INPP4A: variants seen among roughly 807,000 people sequenced by gnomAD.
INPP4A encodes the protein inositol polyphosphate-4-phosphatase type I A.
In INPP4A, 33 loss-of-function variants were observed where a neutral mutation model predicts 119.8. That is an observed-to-expected ratio of 0.28 (90% CI 0.21 to 0.37). The LOEUF (loss-of-function observed/expected upper bound fraction) is 0.37. Ranked by LOEUF, INPP4A falls within the 10% of genes least tolerant of loss-of-function variation. The pLI is 1.00. For synonymous variants in INPP4A, 496 were observed against 500.7 expected (o/e 0.99, Z 0.12); for missense variants, 956 against 1,289.9 (o/e 0.74, Z 3.97).
chr2:98,454,055 C>T (rs1161173359), intron 1 of INPP4A, among the ~76,000 whole-genome samples: 8 of 152,006 alleles, frequency 5.3e-5, no homozygotes, highest in South Asian at 4.1e-4. Context: ...TGCAGTGAGC[C>T]GAGATCACAT....
At chr2:98,540,409 T>C (rs751720866) in intron 10 of INPP4A, among the ~76,000 whole-genome samples, 8 of 152,246 alleles carry the variant, frequency 5.3e-5, no homozygotes, top group Non-Finnish European at 1.2e-4. Flanking sequence ...TCTTAACCCT[T>C]CTGCATCTCT....
At position 98,480,261 on chromosome 2, in the gene INPP4A, G is replaced by A. The variant is rs575239974; in HGVS notation, c.-166+35176G>A. ...TTGGGTGGGTGGGGAACTCAGCCCT[G>A]AGAGGTTGGCTCACTGAGCATTTAC... On this transcript the variant is annotated intron_variant, in intron 1 of 24. Transcript: ENST00000409851. Among the ~76,000 whole-genome samples the A allele has an allele frequency of 3.3e-5, 5 of 152,366 alleles. No homozygotes were observed. The East Asian group carries it at 9.6e-4, about 29-fold the overall frequency.
chr2:98,448,903 C>T (rs1158526283), intron 1 of INPP4A, among the ~76,000 whole-genome samples: 1 of 152,102 alleles, frequency 6.6e-6, no homozygotes, highest in Non-Finnish European at 1.5e-5. Context: ...GGATCTCACA[C>T]TGTGTTGCCC....
chr2:98,572,790 C>G, intron 22 of INPP4A, 25 bp from the exon 23 acceptor site: 1 of 1,517,366 alleles, frequency 6.6e-7, no homozygotes, highest in African/African-American at 1.4e-5. Context: ...GTCACCCACT[C>G]CCACGAACTC....
intron 1 of INPP4A, among the ~76,000 whole-genome samples, chr2:98,455,939 C>G (rs1429247004): frequency 6.6e-6 from 1 of 152,178 alleles, no homozygotes; most frequent in Non-Finnish European, 1.5e-5. Flanking sequence ...CTAGAGCGTC[C>G]CGTGCCTTTC....
rs1462348079 is a variant in INPP4A, at chr2:98,554,447, C to T, written c.1524C>T (p.Asn508=). ...TCATGGCCCGGTGGACAGGGAGAAA[C>T]AGCCGATCTTCCCTGCAGGTGGACT... ...DTLMARWTGR[N]SRSSLQVDWH... The change falls in exon 15 of 25, where the codon AAC becomes AAT. Residue 508 remains asparagine (N), a synonymous_variant. Transcript: ENST00000409851. The surrounding 1 kb of genome is among the most constrained non-coding windows in gnomAD (Gnocchi z 4.7). The T allele has an allele frequency of 6.2e-7, 1 of 1,613,770 alleles. No homozygotes were observed. Among genetic ancestry groups the T allele is most frequent in the Non-Finnish European group, 8.5e-7 (1 of 1,179,878 alleles).
intron 21 of INPP4A, among the ~76,000 whole-genome samples, chr2:98,567,919 C>T (rs899346562): frequency 2.0e-5 from 3 of 152,182 alleles, no homozygotes; most frequent in South Asian, 4.1e-4. Flanking sequence ...CGGAAGGCCC[C>T]TCAGCAGGGA....
At chr2:98,578,050 G>A (rs1374864992) in intron 24 of INPP4A, among the ~76,000 whole-genome samples, 1 of 152,166 alleles carries the variant, frequency 6.6e-6, no homozygotes, top group Non-Finnish European at 1.5e-5. Flanking sequence ...CCTGCCTCTT[G>A]ATAAGTGCAT....
chr2:98,550,153 C>T (rs545281878), intron 13 of INPP4A, among the ~76,000 whole-genome samples: 1 of 152,210 alleles, frequency 6.6e-6, no homozygotes, highest in East Asian at 1.9e-4. Flanking sequence ...TGGGTTCCCT[C>T]TGAGGACCCT....
Position 98,569,989 on chromosome 2 carries a change from G to C in INPP4A, c.2518+1321G>C, listed in dbSNP as rs775080582. On this transcript the variant is annotated intron_variant, in intron 22 of 24. Transcript: ENST00000409851. This position sits in a 1 kb window ranked among gnomAD's most constrained non-coding sequence, Gnocchi z 5.1. ...GAGAGAGGGATGAGGCGTTAGGGGGGTTTGGGCTGAGGATGCACTCCTCAG... is the reference window on the plus strand; with the variant it reads ...GAGAGAGGGATGAGGCGTTAGGGGGCTTTGGGCTGAGGATGCACTCCTCAG... Among the ~76,000 whole-genome samples, 3 of 152,146 alleles carry C rather than the reference G, an allele frequency of 2.0e-5. No individual in the cohort carries two copies. The highest frequency in any genetic ancestry group is 4.4e-5 in the Non-Finnish European group (3 of 68,032).
At chr2:98,542,034 G>A (rs1691561738) in intron 10 of INPP4A, among the ~76,000 whole-genome samples, 1 of 152,242 alleles carries the variant, frequency 6.6e-6, no homozygotes, top group African/African-American at 2.4e-5. Context: ...GGAACCTCAC[G>A]CAGGAACTCC....
intron 1 of INPP4A, among the ~76,000 whole-genome samples, chr2:98,449,360 ACATCACTGGACT>A (rs1404754437): frequency 1.3e-5 from 2 of 152,190 alleles, no homozygotes; most frequent in African/African-American, 2.4e-5. Context: ...TTTTTGATTT[ACATCACTGGACT>A]CATGAATTCT....
chr2:98,553,878 C>A (rs955814182), intron 14 of INPP4A, among the ~76,000 whole-genome samples: 5 of 152,336 alleles, frequency 3.3e-5, no homozygotes, highest in Admixed American at 3.3e-4. Context: ...ATAAGACTTA[C>A]ACAATTGAAC....
chr2:98,452,733 T>C (rs530902681), intron 1 of INPP4A, among the ~76,000 whole-genome samples: 3 of 152,222 alleles, frequency 2.0e-5, no homozygotes, highest in South Asian at 2.1e-4. Context: ...TGGCCTGTAC[T>C]CTCCCTGTAC....
At chr2:98,578,860 A>G (rs780193660) in intron 24 of INPP4A, among the ~76,000 whole-genome samples, 6 of 152,246 alleles carry the variant, frequency 3.9e-5, no homozygotes, top group African/African-American at 7.2e-5. Context: ...CGCTGCGGAC[A>G]TTTGGATACA....
intron 1 of INPP4A, among the ~76,000 whole-genome samples, chr2:98,484,167 C>G (rs1241895664): frequency 6.6e-6 from 1 of 152,162 alleles, no homozygotes. Flanking sequence ...CCCCAGAGGT[C>G]TCTGAGGTCC....
intron 1 of INPP4A, among the ~76,000 whole-genome samples, chr2:98,488,641 T>C (rs1008874321): frequency 3.3e-5 from 5 of 152,214 alleles, no homozygotes; most frequent in Admixed American, 2.6e-4. Context: ...CTGAGTCCTG[T>C]AGTGGCTCTA....
At chr2:98,468,466 T>C (rs1188021816) in intron 1 of INPP4A, among the ~76,000 whole-genome samples, 1 of 152,140 alleles carries the variant, frequency 6.6e-6, no homozygotes, top group African/African-American at 2.4e-5. Flanking sequence ...CTTGAACCCC[T>C]GGCCTCAAAT....
chr2:98,538,888 C>G lies in INPP4A; in HGVS notation c.580-3C>G. 1.3e-6 allele frequency: 2 copies of G among 1,580,822 alleles called. No individual in the cohort carries two copies. The highest frequency in any genetic ancestry group is 1.7e-6 in the Non-Finnish European group (2 of 1,151,082). On this transcript the variant is annotated splice_region_variant and splice_polypyrimidine_tract_variant and intron_variant, in intron 8 of 24. Coordinates refer to ENST00000409851, the MANE Select transcript of INPP4A (RefSeq NM_001134225.2). ...TCTTGTGCATTTCCTTATACATTATCAGATGGTTCTTCCTGTCGATGAGAG... is the reference window on the plus strand; with the variant it reads ...TCTTGTGCATTTCCTTATACATTATGAGATGGTTCTTCCTGTCGATGAGAG...
Sources: allele counts gnomAD v4.1 joint callset (sites outside exome capture counted in the v4.1 genomes callset), GRCh38; gene constraint gnomAD v4.1.1; non-coding constraint Gnocchi (gnomAD v3.1); transcripts MANE v1.5; gene names NCBI Gene and HGNC (gene_info 2026-07-23, HGNC 2026-07-21).